SOX6: variants seen among roughly 807,000 people sequenced by gnomAD.
SOX6 encodes SRY-box transcription factor 6.
In SOX6, 11 loss-of-function variants were observed where a neutral mutation model predicts 97.8. The observed-to-expected ratio is 0.11, with a 90% confidence interval of 0.07 to 0.19. The LOEUF is 0.19. Ranked by LOEUF, SOX6 falls within the 10% of genes least tolerant of loss-of-function variation. The probability of loss-of-function intolerance (pLI) is 1.00; values close to 1 mark genes in which losing one functional copy is unlikely to be tolerated. For missense variants in SOX6, 810 were observed against 1,039.5 expected, an observed-to-expected ratio of 0.78 and a Z score of 3.04; for synonymous variants, 360 against 371.4, an observed-to-expected ratio of 0.97 and a Z score of 0.35.
chr11:16,109,676 G>A (rs185682883), intron 7 of SOX6, among the ~76,000 whole-genome samples: 41 of 152,228 alleles, frequency 2.7e-4, no homozygotes, highest in Non-Finnish European at 4.7e-4. Flanking sequence ...TACTAATAGC[G>A]TAAGAACATA....
At chr11:16,648,501 T>G (rs540321534) in intron 3 of SOX6, among the ~76,000 whole-genome samples, 1 of 152,300 alleles carries the variant, frequency 6.6e-6, no homozygotes, top group Non-Finnish European at 1.5e-5. Context: ...TAGGGCAAGC[T>G]TAGAGCCCCC....
At chr11:16,173,498 G>C (rs1851096192) in intron 6 of SOX6, among the ~76,000 whole-genome samples, 1 of 151,412 alleles carries the variant, frequency 6.6e-6, no homozygotes, top group African/African-American at 2.4e-5. Context: ...AAGTGGTTAA[G>C]TATATGATGT....
chr11:16,689,454 C>T (rs1012492689), intron 3 of SOX6, among the ~76,000 whole-genome samples: 1 of 152,138 alleles, frequency 6.6e-6, no homozygotes, highest in Admixed American at 6.6e-5. Flanking sequence ...ACTATTATTG[C>T]CTGATGTCCA....
In SOX6 at chr11:16,561,792, C is replaced by T. The variant is rs553095689; in HGVS notation, n.609+50289G>A. On this transcript the variant is annotated intron_variant and non_coding_transcript_variant, in intron 4 of 5. Coordinates refer to the SOX6 transcript ENST00000524520. ...TCACCCAGATTGGAGTGCAGTGGCG[C>T]GATCATAGCTCAGTGTAATCTCAAA... is the stretch of plus-strand genomic sequence containing the variant. Among the ~76,000 whole-genome samples the T allele has an allele frequency of 1.3e-4, 20 of 152,102 alleles. No individual in the cohort carries two copies. The South Asian group carries it at 3.9e-3, about 30-fold the overall frequency.
chr11:16,608,467 C>T (rs377062492), intron 4 of SOX6, among the ~76,000 whole-genome samples: 91 of 147,976 alleles, frequency 6.1e-4, no homozygotes, highest in African/African-American at 1.9e-3. Flanking sequence ...TGAAGGAAAA[C>T]GAAAAAAAGA....
At chr11:16,448,171 A>T (rs1249244929) in intron 1 of SOX6, among the ~76,000 whole-genome samples, 1 of 152,192 alleles carries the variant, frequency 6.6e-6, no homozygotes, top group East Asian at 1.9e-4. Context: ...CAGATTTTTC[A>T]CTTGGTTGGT....
At chr11:16,727,327 A>T (rs1033974396) in intron 2 of SOX6, among the ~76,000 whole-genome samples, 1 of 123,988 alleles carries the variant, frequency 8.1e-6, no homozygotes. Context: ...ACTGCCCCAT[A>T]TCAGTACCTA....
intron 1 of SOX6, among the ~76,000 whole-genome samples, chr11:16,430,089 T>TA (rs1590200615): frequency 1.3e-5 from 2 of 152,352 alleles, no homozygotes; most frequent in East Asian, 3.9e-4. Context: ...TTGGCCTCAC[T>TA]ATCAATCTTC....
At chr11:16,379,566 T>C (rs934463992) in intron 1 of SOX6, among the ~76,000 whole-genome samples, 2 of 152,152 alleles carry the variant, frequency 1.3e-5, no homozygotes, top group East Asian at 3.9e-4. Flanking sequence ...CATTTTCTAG[T>C]TGTCATATTG....
chr11:16,292,470 C>T (rs1170169695), intron 3 of SOX6, among the ~76,000 whole-genome samples: 1 of 151,994 alleles, frequency 6.6e-6, no homozygotes, highest in African/African-American at 2.4e-5. Context: ...ATTGAGTTCT[C>T]TTAACCCCTA....
intron 4 of SOX6, among the ~76,000 whole-genome samples, chr11:16,522,654 C>A (rs1000119388): frequency 6.6e-6 from 1 of 151,950 alleles, no homozygotes; most frequent in African/African-American, 2.4e-5. Context: ...TGTAAATGGA[C>A]TAAATGCTCC....
chr11:16,680,755 T>C (rs1158164844), intron 3 of SOX6, among the ~76,000 whole-genome samples: 1 of 152,068 alleles, frequency 6.6e-6, no homozygotes, highest in Admixed American at 6.5e-5. Context: ...AATAAAGGGA[T>C]GGAAGAAGAT....
At chr11:16,203,863 G>T (rs1287986115) in intron 4 of SOX6, among the ~76,000 whole-genome samples, 1 of 151,832 alleles carries the variant, frequency 6.6e-6, no homozygotes, top group Non-Finnish European at 1.5e-5. Context: ...AATTCTACCG[G>T]CATTGCAACT....
intron 9 of SOX6, among the ~76,000 whole-genome samples, chr11:16,060,359 G>A (rs969898283): frequency 2.0e-5 from 3 of 151,836 alleles, no homozygotes; most frequent in African/African-American, 7.2e-5. Flanking sequence ...GTTCTTGTGA[G>A]TTGTGATTAC....
At chr11:16,322,085 G>GA (rs1381791662) in intron 2 of SOX6, among the ~76,000 whole-genome samples, 5 of 151,792 alleles carry the variant, frequency 3.3e-5, no homozygotes, top group Non-Finnish European at 5.9e-5. Context: ...ATTTTATTAA[G>GA]AAAAAAAGCC....
At chr11:16,089,084 A>C (rs1015482715) in intron 9 of SOX6, among the ~76,000 whole-genome samples, 1 of 152,148 alleles carries the variant, frequency 6.6e-6, no homozygotes, top group African/African-American at 2.4e-5. Flanking sequence ...ACACAGTGAG[A>C]AATGAACTCA....
rs75560401 is a variant in SOX6 at position 15,968,518 on chromosome 11, C to T, written c.*4291G>A. On this transcript the variant is annotated 3_prime_UTR_variant, in exon 16 of 16. Transcript: ENST00000683767. The stretch of plus-strand genomic sequence containing the variant: ...TGTGCTGTTCAAGTGACCAGGCTGC[C>T]TTCCTACTGAGGGTAAATGGGCTTT... 46 of 152,338 alleles carry T rather than the reference C, an allele frequency of 3.0e-4. No individual in the cohort carries two copies. The East Asian group carries it at 8.5e-3, about 28-fold the overall frequency. 9.4% of individuals were successfully genotyped at this position (152,338 alleles called of 1,614,324 possible).
intron 6 of SOX6, among the ~76,000 whole-genome samples, chr11:16,142,636 C>T (rs1035451366): frequency 1.3e-4 from 20 of 151,972 alleles, no homozygotes; most frequent in African/African-American, 4.6e-4. Flanking sequence ...ACTAGAATAA[C>T]CAGTGTAGAG....
chr11:16,282,000 T>TG (rs1394185860), intron 3 of SOX6, among the ~76,000 whole-genome samples: 11 of 148,690 alleles, frequency 7.4e-5, no homozygotes, highest in African/African-American at 2.2e-4. Context: ...TATATATATA[T>TG]ATATATACAC....
Sources: gnomAD v4.1 joint callset for allele counts (sites outside exome capture counted in the v4.1 genomes callset) on GRCh38, gnomAD v4.1.1 for gene constraint, MANE v1.5 for transcripts, NCBI Gene and HGNC (gene_info 2026-07-23, HGNC 2026-07-21) for gene names.